Variants in COL24A1 observed in about 807,000 individuals in gnomAD.
COL24A1 encodes collagen alpha-1(XXIV) chain.
In COL24A1, 224 loss-of-function variants were observed where a neutral mutation model predicts 253.9. That is an observed-to-expected ratio of 0.88 (90% CI 0.79 to 0.99). COL24A1 has a LOEUF of 0.99. Among genes scored for constraint, COL24A1 ranks in the 50% least tolerant of loss-of-function variants. The probability of loss-of-function intolerance (pLI) is 0.00; values close to 1 mark genes in which losing one functional copy is unlikely to be tolerated. For synonymous variants in COL24A1, 685 were observed against 673.7 expected (o/e 1.02, Z -0.26); for missense variants, 2,131 against 2,068.5 (o/e 1.03, Z -0.59).
At chr1:86,114,436 T>C (rs1464421028) in intron 4 of COL24A1, among the ~76,000 whole-genome samples, 3 of 151,988 alleles carry the variant, frequency 2.0e-5, no homozygotes, top group African/African-American at 4.8e-5. Context: ...CTCAGAAAAA[T>C]AGGATCCAAA....
At position 85,904,015 on chromosome 1, in the gene COL24A1, G is replaced by A. The variant is rs181677382; in HGVS notation, c.2778+3179C>T. 1.2e-3 allele frequency among the ~76,000 whole-genome samples: 178 copies of A among 152,180 alleles called. 1 individual carries two copies. Among genetic ancestry groups the A allele is most frequent in the African/African-American group, 3.7e-3 (154 of 41,542 alleles). ...TGAATCTAGCTTTGAATCTAAATGC[G>A]AAAATTGAGGACTGCTTCCCCCTAT... On this transcript the variant is annotated intron_variant, in intron 28 of 59. Transcript: ENST00000370571.
intron 7 of COL24A1, among the ~76,000 whole-genome samples, chr1:86,081,795 C>T (rs531974889): frequency 2.0e-5 from 3 of 152,010 alleles, no homozygotes; most frequent in Non-Finnish European, 2.9e-5. Flanking sequence ...TTGTGTTGTT[C>T]GGGAACTGAC....
intron 19 of COL24A1, among the ~76,000 whole-genome samples, chr1:85,991,516 C>T (rs542670691): frequency 1.3e-5 from 2 of 152,124 alleles, no homozygotes; most frequent in Non-Finnish European, 2.9e-5. Flanking sequence ...TAGTCTTGAC[C>T]TGTGTGGTAG....
intron 5 of COL24A1, among the ~76,000 whole-genome samples, chr1:86,094,591 G>T (rs1452612716): frequency 6.6e-6 from 1 of 151,856 alleles, no homozygotes; most frequent in African/African-American, 2.4e-5. Context: ...TGTTACATAT[G>T]TAACAAACTT....
chr1:86,034,906 A>G (rs1698879304), intron 12 of COL24A1, among the ~76,000 whole-genome samples: 1 of 152,132 alleles, frequency 6.6e-6, no homozygotes, highest in South Asian at 2.1e-4. Context: ...TATTGTAAAC[A>G]TTTTCATAAT....
chr1:85,735,439 G>A (rs1557927114), intron 58 of COL24A1, among the ~76,000 whole-genome samples: 1 of 151,854 alleles, frequency 6.6e-6, no homozygotes, highest in Admixed American at 6.6e-5. Flanking sequence ...CTCTGCCTTC[G>A]AGATTTTTTT....
intron 42 of COL24A1, among the ~76,000 whole-genome samples, chr1:85,839,034 T>C (rs1411060778): frequency 1.3e-5 from 2 of 151,966 alleles, no homozygotes; most frequent in Non-Finnish European, 2.9e-5. Context: ...ACCCTGTCTC[T>C]ACAAATAATG....
intron 20 of COL24A1, among the ~76,000 whole-genome samples, chr1:85,978,400 T>TAAA (rs1349343554): frequency 6.6e-6 from 1 of 151,880 alleles, no homozygotes; most frequent in Non-Finnish European, 1.5e-5. Flanking sequence ...ACGTTGAATG[T>TAAA]AAATAGCCTA....
chr1:86,090,793 A>C (rs1164614039), intron 6 of COL24A1, among the ~76,000 whole-genome samples: 1 of 152,102 alleles, frequency 6.6e-6, no homozygotes, highest in East Asian at 1.9e-4. Context: ...TTTATATCTT[A>C]ATATGTTTCT....
At chr1:86,136,087 A>G (rs1650204149) in intron 2 of COL24A1, among the ~76,000 whole-genome samples, 2 of 152,048 alleles carry the variant, frequency 1.3e-5, no homozygotes, top group South Asian at 2.1e-4. Context: ...AGCTCTATAT[A>G]CAACCCTTCA....
intron 53 of COL24A1, among the ~76,000 whole-genome samples, chr1:85,773,166 C>G (rs1617458): frequency 0.95 from 144,090 of 152,262 alleles, 68,226 homozygotes; most frequent in Non-Finnish European, 0.96. Flanking sequence ...GTTTGTCAAA[C>G]ATCAGATGGT....
chr1:85,734,968 A>T lies in COL24A1; in HGVS notation c.4783-4T>A, dbSNP rs184762463. The T allele has an allele frequency of 6.2e-7, 1 of 1,613,664 alleles. No individual in the cohort carries two copies. The highest frequency in any genetic ancestry group is 2.2e-5 in the East Asian group (1 of 44,886). On this transcript the variant is annotated splice_polypyrimidine_tract_variant and splice_region_variant and intron_variant, in intron 58 of 59. Coordinates refer to ENST00000370571, the MANE Select transcript of COL24A1 (RefSeq NM_152890.7). ...CTTTCCCAACTCCAAACTCCAACTA[A>T]TGTCATAGAAATGATATGCAGGTTA... is the stretch of plus-strand genomic sequence containing the variant.
intron 10 of COL24A1, among the ~76,000 whole-genome samples, chr1:86,052,857 G>C (rs558774653): frequency 6.6e-6 from 1 of 152,122 alleles, no homozygotes; most frequent in African/African-American, 2.4e-5. Context: ...ATTTAGTTAA[G>C]TATTGCCATT....
intron 19 of COL24A1, among the ~76,000 whole-genome samples, chr1:85,997,386 A>G (rs1409650296): frequency 6.6e-6 from 1 of 152,040 alleles, no homozygotes; most frequent in Non-Finnish European, 1.5e-5. Context: ...CCCATTTCTC[A>G]GTCCATGTAC....
intron 24 of COL24A1, among the ~76,000 whole-genome samples, chr1:85,943,897 CT>C (rs1191913827): frequency 6.6e-6 from 1 of 152,218 alleles, no homozygotes. Context: ...TATGAAAAGA[CT>C]TTTAGAAAGT....
chr1:85,906,799 T>C (rs752841740), intron 28 of COL24A1, among the ~76,000 whole-genome samples: 7 of 151,960 alleles, frequency 4.6e-5, no homozygotes, highest in Non-Finnish European at 8.8e-5. Flanking sequence ...TCATCTTGTG[T>C]ATCTTTGTTC....
intron 47 of COL24A1, among the ~76,000 whole-genome samples, chr1:85,815,127 C>G (rs986036135): frequency 6.6e-6 from 1 of 152,158 alleles, no homozygotes; most frequent in African/African-American, 2.4e-5. Context: ...TGTGGTTTTC[C>G]TTGTTTGAAT....
chr1:86,043,965 T>C (rs1240185582), intron 12 of COL24A1, among the ~76,000 whole-genome samples: 6 of 152,228 alleles, frequency 3.9e-5, no homozygotes, highest in Non-Finnish European at 7.3e-5. Context: ...ATAGGTGTCA[T>C]CCATCTACTT....
chr1:85,851,939 T>C (rs912030476), intron 37 of COL24A1, among the ~76,000 whole-genome samples: 2 of 152,234 alleles, frequency 1.3e-5, no homozygotes, highest in African/African-American at 4.8e-5. Flanking sequence ...TAATATTTTC[T>C]TTCTGTTTCT....
Sources: gnomAD v4.1 joint callset for allele counts (sites outside exome capture counted in the v4.1 genomes callset) on GRCh38, gnomAD v4.1.1 for gene constraint, MANE v1.5 for transcripts, NCBI Gene and HGNC (gene_info 2026-07-23, HGNC 2026-07-21) for gene names.